The following CSGALNACT1 variants were observed in gnomAD, a reference collection of about 807,000 sequenced individuals.
The protein encoded by CSGALNACT1 is chondroitin sulfate N-acetylgalactosaminyltransferase 1, also known as beta4GalNAcT-1.
CSGALNACT1 carries 52 observed loss-of-function variants against 51.0 expected under a neutral mutation model. That is an observed-to-expected ratio of 1.02 (90% CI 0.82 to 1.29). CSGALNACT1 has a LOEUF of 1.29. Among genes scored for constraint, CSGALNACT1 ranks in the 50% most tolerant of loss-of-function variants. The pLI, the probability that CSGALNACT1 is intolerant of heterozygous loss-of-function variation, is 0.00. For missense variants in CSGALNACT1, 935 were observed against 679.2 expected (o/e 1.38, Z -4.19); for synonymous variants, 341 against 254.4 (o/e 1.34, Z -3.24).
chr8:19,441,790 G>C (rs1462775032), intron 5 of CSGALNACT1, among the ~76,000 whole-genome samples: 1 of 151,684 alleles, frequency 6.6e-6, no homozygotes, highest in African/African-American at 2.4e-5. Context: ...GCAACCTACA[G>C]AATGGGAGAA....
intron 3 of CSGALNACT1, among the ~76,000 whole-genome samples, chr8:19,513,436 CTATA>C (rs1554650175): frequency 0.015 from 1,230 of 81,946 alleles, 36 homozygotes; most frequent in African/African-American, 0.035. Context: ...CTCTCTCTCT[CTATA>C]TATATATATA....
upstream of CSGALNACT1, chr8:19,682,742 G>A (rs1354373152): frequency 2.2e-6 from 1 of 454,100 alleles, no homozygotes; most frequent in Non-Finnish European, 4.4e-6. Context: ...GAGCAAGGCT[G>A]CGGATCCCAG....
intron 3 of CSGALNACT1, among the ~76,000 whole-genome samples, chr8:19,561,429 G>A (rs939364623): frequency 6.6e-6 from 1 of 152,188 alleles, no homozygotes; most frequent in Non-Finnish European, 1.5e-5. Context: ...AGAAACAGAT[G>A]AAAAATAATG....
intron 4 of CSGALNACT1, among the ~76,000 whole-genome samples, chr8:19,496,148 G>C (rs1338196937): frequency 6.6e-6 from 1 of 152,070 alleles, no homozygotes. Context: ...AGATAATATG[G>C]CATTTGGGAG....
chr8:19,476,513 G>C (rs1563617535), intron 4 of CSGALNACT1, among the ~76,000 whole-genome samples: 1 of 152,000 alleles, frequency 6.6e-6, no homozygotes, highest in African/African-American at 2.4e-5. Context: ...AAGTGCTGGG[G>C]TTACATGTGT....
At chr8:19,485,046 CTT>C (rs994808149) in intron 4 of CSGALNACT1, among the ~76,000 whole-genome samples, 1 of 152,058 alleles carries the variant, frequency 6.6e-6, no homozygotes, top group African/African-American at 2.4e-5. Flanking sequence ...ATAAACTTCT[CTT>C]GTCTCAGGCT....
chr8:19,634,017 G>A (rs2055666757), intron 1 of CSGALNACT1, among the ~76,000 whole-genome samples: 1 of 152,120 alleles, frequency 6.6e-6, no homozygotes, highest in African/African-American at 2.4e-5. Flanking sequence ...GATGCCTAAA[G>A]GTCTACGGAA....
chr8:19,486,358 C>G (rs2072937506), intron 4 of CSGALNACT1, among the ~76,000 whole-genome samples: 1 of 152,130 alleles, frequency 6.6e-6, no homozygotes, highest in African/African-American at 2.4e-5. Flanking sequence ...CAAGTCTATT[C>G]TCAACACAAC....
intron 1 of CSGALNACT1, among the ~76,000 whole-genome samples, chr8:19,687,669 A>G (rs1181551875): frequency 2.6e-5 from 4 of 152,248 alleles, no homozygotes; most frequent in Admixed American, 2.6e-4. Flanking sequence ...AAAGACATGC[A>G]GTTCCAGAAA....
At chr8:19,742,548 C>T (rs2064379324) in intron 1 of CSGALNACT1, among the ~76,000 whole-genome samples, 1 of 152,236 alleles carries the variant, frequency 6.6e-6, no homozygotes, top group Non-Finnish European at 1.5e-5. Context: ...ATGCATCCCC[C>T]ACGACAGCTG....
chr8:19,701,797 C>T (rs955220900), intron 1 of CSGALNACT1, among the ~76,000 whole-genome samples: 3 of 152,146 alleles, frequency 2.0e-5, no homozygotes, highest in Non-Finnish European at 4.4e-5. Flanking sequence ...TGGTAAGACT[C>T]GACTTTCAAT....
chr8:19,460,674 T>C (rs544689273), intron 4 of CSGALNACT1, among the ~76,000 whole-genome samples: 1 of 152,290 alleles, frequency 6.6e-6, no homozygotes, highest in South Asian at 2.1e-4. Context: ...GTTTGAAAGG[T>C]ACATAAATAG....
At chr8:19,412,321 C>T (rs538851779) in intron 8 of CSGALNACT1, among the ~76,000 whole-genome samples, 85 of 152,272 alleles carry the variant, frequency 5.6e-4, no homozygotes, top group Admixed American at 9.8e-4. Context: ...GGACGATTCA[C>T]GTGACAGGGA....
At chr8:19,596,225 AG>A (rs1431965860) in intron 2 of CSGALNACT1, among the ~76,000 whole-genome samples, 1 of 152,172 alleles carries the variant, frequency 6.6e-6, no homozygotes. Context: ...GACTGAAAAG[AG>A]AGCTACTTCC....
chr8:19,718,410 T>TCTATTTCTCCTCCATTTTC (rs1447663644), intron 1 of CSGALNACT1, among the ~76,000 whole-genome samples: 1 of 152,154 alleles, frequency 6.6e-6, no homozygotes, highest in African/African-American at 2.4e-5. Context: ...CCACAGGCTT[T>TCTATTTCTCCTCCATTTTC]CTATTTCTCC....
At chr8:19,694,786 T>C (rs1053848018) in intron 1 of CSGALNACT1, among the ~76,000 whole-genome samples, 4 of 152,140 alleles carry the variant, frequency 2.6e-5, no homozygotes, top group African/African-American at 9.7e-5. Flanking sequence ...TACCTGAAGG[T>C]AAAGCACATT....
intron 3 of CSGALNACT1, among the ~76,000 whole-genome samples, chr8:19,543,386 G>A (rs1443389096): frequency 1.3e-5 from 2 of 152,190 alleles, no homozygotes; most frequent in African/African-American, 2.4e-5. Context: ...ACAATGTCTG[G>A]GAACGGGGCT....
At chr8:19,661,056 G>A (rs540371788) in intron 1 of CSGALNACT1, among the ~76,000 whole-genome samples, 2 of 151,854 alleles carry the variant, frequency 1.3e-5, no homozygotes, top group African/African-American at 2.4e-5. Flanking sequence ...GGGTCTACAG[G>A]TGCATGCCAC....
intron 1 of CSGALNACT1, among the ~76,000 whole-genome samples, chr8:19,662,074 A>ACCCC (rs1159242984): frequency 5.7e-5 from 2 of 35,038 alleles, no homozygotes; most frequent in African/African-American, 1.1e-4. Context: ...ACCCCCCCCC[A>ACCCC]CCCCCCCCCC....
Sources: allele counts gnomAD v4.1 joint callset (sites outside exome capture counted in the v4.1 genomes callset), GRCh38; gene constraint gnomAD v4.1.1; transcripts MANE v1.5; gene names NCBI Gene and HGNC (gene_info 2026-07-23, HGNC 2026-07-21).